The following HECTD3 variants were observed in gnomAD, a reference collection of about 807,000 sequenced individuals.
HECTD3 encodes the protein HECT domain E3 ubiquitin protein ligase 3, also known as E3 ubiquitin-protein ligase HECTD3.
In HECTD3, 72 loss-of-function variants were observed where a neutral mutation model predicts 109.3. The observed-to-expected ratio is 0.66, with a 90% CI of 0.54 to 0.80. The LOEUF is 0.80. Among genes scored for constraint, HECTD3 ranks in the 30% least tolerant of loss-of-function variants. HECTD3 has a pLI of 0.00. For missense variants in HECTD3, 1,041 were observed against 1,165.2 expected, an observed-to-expected ratio of 0.89 and a Z score of 1.55; for synonymous variants, 481 against 471.8, an observed-to-expected ratio of 1.02 and a Z score of -0.25.
In HECTD3 at chr1:45,011,065, C is replaced by T. The variant is rs1446734187; in HGVS notation, c.193G>A (p.Val65Met). The T allele has an allele frequency of 6.9e-7, 1 of 1,450,986 alleles. No homozygotes were observed. Among genetic ancestry groups the T allele is most frequent in the Admixed American group, 2.8e-5 (1 of 35,712 alleles). The allele number at this position is 1,450,986 out of a possible 1,614,324, so 89.9% of individuals were successfully genotyped here. ...AGCCCCAGGCCCTCTGCCTCCCACA[C>T]CGGCAGAAGCACGCGCGACGGTCCC... ...PAGPSRVLLPVWEAEGLGLRV... is the reference protein window; with the variant it reads ...PAGPSRVLLPMWEAEGLGLRV... The change falls in exon 1 of 21, where the codon GTG becomes ATG. Residue 65 changes from valine to methionine, a missense_variant. Physicochemically the swap from Val to Met is conservative, Grantham distance 21. Transcript: ENST00000372172.
chr1:45,010,920 T>C lies in HECTD3; in HGVS notation c.338A>G (p.Asn113Ser), dbSNP rs367892646. 34 of 1,548,868 alleles carry C rather than the reference T, an allele frequency of 2.2e-5. No homozygotes were observed. In the East Asian group the frequency reaches 3.9e-4, roughly 18 times the overall value. ...CVRTTGEELC[N>S]GHGLWVKLTK... Reference sequence around the variant, plus strand: ...CAGCTTCACCCAGAGCCCGTGGCCATTGCACAGCTCCTCGCCCGTGGTGCG... The same window carrying C: ...CAGCTTCACCCAGAGCCCGTGGCCACTGCACAGCTCCTCGCCCGTGGTGCG... Residue 113 changes from asparagine to serine, a missense_variant, in exon 1 of 21, where the codon AAT becomes AGT. Asn to Ser is a conservative substitution (Grantham distance 46). Coordinates refer to ENST00000372172, the MANE Select transcript of HECTD3 (RefSeq NM_024602.6).
Position 45,007,690 on chromosome 1 carries a change from G to A in HECTD3, c.1321-95C>T, listed in dbSNP as rs552357342. 4.9e-5 allele frequency: 51 copies of A among 1,048,690 alleles called. No individual in the cohort carries two copies. The Admixed American group carries it at 5.7e-4, about 12-fold the overall frequency. The allele number at this position is 1,048,690 out of a possible 1,614,324, so 65.0% of individuals were successfully genotyped here. A position where few individuals can be genotyped will look rare whatever the true frequency, so the allele number is the denominator to read the frequency against. Reference sequence around the variant, plus strand: ...CCCTCTGCCTGTATCCAATTCCACCGTTTCAGTTCAAGTCTAGTCCATCCC... The same window carrying A: ...CCCTCTGCCTGTATCCAATTCCACCATTTCAGTTCAAGTCTAGTCCATCCC... On this transcript the variant is annotated intron_variant, in intron 9 of 20. Coordinates refer to ENST00000372172, the MANE Select transcript of HECTD3 (RefSeq NM_024602.6).
Position 45,011,204 on chromosome 1 carries a change from G to T in HECTD3, c.54C>A (p.Gly18=). The change falls in exon 1 of 21, where the codon GGC becomes GGA. Residue 18 remains glycine (G), a synonymous_variant. Transcript: ENST00000372172. Reference sequence around the variant, plus strand: ...CTGCCTCTGCCAAGAAGCGCACGCGGCCCAGCAGCTGCCGGGGGGACTCCA... The same window carrying T: ...CTGCCTCTGCCAAGAAGCGCACGCGTCCCAGCAGCTGCCGGGGGGACTCCA... ...AVLESPRQLL[G]RVRFLAEAAR... 6.9e-7 allele frequency: 1 copy of T among 1,443,762 alleles called. No individual in the cohort carries two copies. Among genetic ancestry groups the T allele is most frequent in the Non-Finnish European group, 9.0e-7 (1 of 1,106,684 alleles). The allele number at this position is 1,443,762 out of a possible 1,614,324, so 89.4% of individuals were successfully genotyped here. A position where few individuals can be genotyped will look rare whatever the true frequency, so the allele number is the denominator to read the frequency against.
At chr1:45,010,862 C>A in intron 1 of HECTD3, 27 bp downstream of exon 1, 1 of 1,508,524 alleles carries the variant, frequency 6.6e-7, no homozygotes, top group Non-Finnish European at 8.8e-7. Context: ...GGGTCTTTTA[C>A]CGGGTCCTGG....
At position 45,008,523 on chromosome 1, in the gene HECTD3, G is replaced by C. The variant is rs1228268571; in HGVS notation, c.1238+13C>G. 1.2e-6 allele frequency: 2 copies of C among 1,611,596 alleles called. No individual in the cohort carries two copies. Among genetic ancestry groups the C allele is most frequent in the Non-Finnish European group, 1.7e-6 (2 of 1,178,170 alleles). Reference sequence around the variant, plus strand: ...GGGAAGGGAAGGGCCCATAGGTCCAGGACCACAGCCACCTCTGCAGGAGGA... The same window carrying C: ...GGGAAGGGAAGGGCCCATAGGTCCACGACCACAGCCACCTCTGCAGGAGGA... On this transcript the variant is annotated intron_variant, in intron 8 of 20. Transcript: ENST00000372172.
chr1:45,006,196 C>T lies in HECTD3; in HGVS notation c.1726-80G>A. 6.5e-6 allele frequency: 10 copies of T among 1,537,790 alleles called. No individual in the cohort carries two copies. In the South Asian group the frequency reaches 1.2e-4, roughly 19 times the overall value. On this transcript the variant is annotated intron_variant, in intron 13 of 20. Transcript: ENST00000372172. This position sits in a 1 kb window ranked among gnomAD's most constrained non-coding sequence, Gnocchi z 4.7. ...CCCAAAGACTTCCCTGAACATTTTC[C>T]ACTGGGAACATTTTCCACTAAATGA...
At position 45,006,497 on chromosome 1, in the gene HECTD3, C is replaced by T. The variant is rs7521006; in HGVS notation, c.1725+195G>A. ...ATTTTTTATTTTTATAGAGATGGGGCTTCACTTCATTGGCCAGGCTGGTCT... is the reference window on the plus strand; with the variant it reads ...ATTTTTTATTTTTATAGAGATGGGGTTTCACTTCATTGGCCAGGCTGGTCT... On this transcript the variant is annotated intron_variant, in intron 13 of 20. Coordinates refer to ENST00000372172, the MANE Select transcript of HECTD3 (RefSeq NM_024602.6). This position sits in a 1 kb window ranked among gnomAD's most constrained non-coding sequence, Gnocchi z 4.7. Among the ~76,000 whole-genome samples, 100,990 of 151,754 alleles carry T rather than the reference C, an allele frequency of 0.67. 33,885 individuals carry two copies. The highest frequency in any genetic ancestry group is 0.78 in the Middle Eastern group (229 of 294).
rs1218370284 is a variant in HECTD3, at chr1:45,010,993, G to A, written c.265C>T (p.Leu89Phe). ...TCAATGCTGTCGCGGGCGGCGCGGA[G>A]GGGCCCGGAGCCGGTACCGGGGGCT... ...GPAPGTGSGPLRAARDSIELR... is the reference protein window; with the variant it reads ...GPAPGTGSGPFRAARDSIELR... Residue 89 changes from leucine (L) to phenylalanine (F), a missense_variant, in exon 1 of 21, where the codon CTC (leucine) becomes TTC (phenylalanine). Leu to Phe is a conservative substitution (Grantham distance 22). Around this residue, in one of 2 missense-constraint regions of HECTD3, gnomAD observed 472 missense variants for 449.9 expected, o/e 1.05. Coordinates refer to ENST00000372172, the MANE Select transcript of HECTD3 (RefSeq NM_024602.6). The A allele has an allele frequency of 2.7e-6, 4 of 1,477,584 alleles. No individual in the cohort carries two copies. The highest frequency in any genetic ancestry group is 1.5e-5 in the African/African-American group (1 of 67,646). 91.5% of individuals were successfully genotyped at this position (1,477,584 alleles called of 1,614,324 possible). A position where few individuals can be genotyped will look rare whatever the true frequency, so the allele number is the denominator to read the frequency against.
chr1:45,006,834 C>T lies in HECTD3; in HGVS notation c.1622-39G>A, dbSNP rs1321716645. The T allele has an allele frequency of 2.5e-6, 4 of 1,601,934 alleles. No homozygotes were observed. The highest frequency in any genetic ancestry group is 3.4e-6 in the Non-Finnish European group (4 of 1,170,810). ...TGCCCTCAGCTGGGCACTCAAGAGC[C>T]CAGCTCCCATAATGGGGTAATGAAT... is the stretch of plus-strand genomic sequence containing the variant. On this transcript the variant is annotated intron_variant, in intron 12 of 20. Transcript: ENST00000372172. This position sits in a 1 kb window ranked among gnomAD's most constrained non-coding sequence, Gnocchi z 4.7.
rs373641285 is a variant in HECTD3, at chr1:45,003,905, C to T, written c.2379G>A (p.Thr793=). Residue 793 remains threonine (T), a synonymous_variant, in exon 19 of 21, where the codon ACG becomes ACA. Coordinates refer to ENST00000372172, the MANE Select transcript of HECTD3 (RefSeq NM_024602.6). The surrounding 1 kb of genome is among the most constrained non-coding windows in gnomAD (Gnocchi z 4.7). ...EDRSRFLRFV[T]GRSRLPARIY... ...TCCGTGCTGGCAGGCGACTGCGGCCCGTGACAAAGCGCAGGAAGCGGCTCC... is the reference window on the plus strand; with the variant it reads ...TCCGTGCTGGCAGGCGACTGCGGCCTGTGACAAAGCGCAGGAAGCGGCTCC... 50 of 1,613,250 alleles carry T rather than the reference C, an allele frequency of 3.1e-5. No individual in the cohort carries two copies. Among genetic ancestry groups the T allele is most frequent in the African/African-American group, 1.5e-4 (11 of 74,844 alleles).
rs750210329 is a variant in HECTD3, at chr1:45,011,143, C to G, written c.115G>C (p.Ala39Pro). 1.7e-5 allele frequency: 25 copies of G among 1,507,422 alleles called. No homozygotes were observed. The highest frequency in any genetic ancestry group is 2.2e-5 in the Non-Finnish European group (25 of 1,136,878). 93.4% of individuals were successfully genotyped at this position (1,507,422 alleles called of 1,614,324 possible). A position where few individuals can be genotyped will look rare whatever the true frequency, so the allele number is the denominator to read the frequency against. ...ACCTCTCGCGGCACGAAAGCCAGCG[C>G]TGCTGGCAGCGGCCGCCCGGCGCGG... The part of the protein sequence containing the change: ...SLRAGRPLPA[A>P]LAFVPREVLY... Residue 39 changes from alanine to proline, a missense_variant, in exon 1 of 21, where the codon GCG becomes CCG. By Grantham distance (27) the Ala-to-Pro change is conservative. Transcript: ENST00000372172.
chr1:45,004,265 T>A lies in HECTD3; in HGVS notation c.2255A>T (p.Asp752Val), dbSNP rs770486371. 6.2e-7 allele frequency: 1 copy of A among 1,614,010 alleles called. No homozygotes were observed. Among genetic ancestry groups the A allele is most frequent in the South Asian group, 1.1e-5 (1 of 91,088 alleles). The change falls in exon 17 of 21, where the codon GAT becomes GTT. Residue 752 changes from aspartate to valine, a missense_variant. This residue lies in a region of HECTD3 where 569 missense variants were observed against 715.3 expected (regional missense o/e 0.80). Transcript: ENST00000372172. ...KVCGDPEVTVDALRKLTRFED... is the reference protein window; with the variant it reads ...KVCGDPEVTVVALRKLTRFED... ...GAACTCACTGAGCTTGCGCAGAGCA[T>A]CCACAGTGACCTCTGGATCCCCACA...
Position 45,010,305 on chromosome 1 carries a change from G to A in HECTD3, c.531-12C>T, listed in dbSNP as rs755392557. On this transcript the variant is annotated splice_polypyrimidine_tract_variant and intron_variant, in intron 2 of 20. Coordinates refer to ENST00000372172, the MANE Select transcript of HECTD3 (RefSeq NM_024602.6). ...CCACCTGTTCCCACCTGTGGGCACA[G>A]AGTAGGGAGTGGGATGGGGAGACAT... The A allele has an allele frequency of 1.8e-5, 29 of 1,612,606 alleles. No homozygotes were observed. The highest frequency in any genetic ancestry group is 3.3e-4 in the Middle Eastern group (2 of 6,056).
At chr1:45,009,723 C>T in intron 4 of HECTD3, 40 bp from the exon 5 acceptor site, 1 of 1,467,340 alleles carries the variant, frequency 6.8e-7, no homozygotes, top group African/African-American at 1.4e-5. Context: ...AGTTACCCTC[C>T]CTCCCTGCAC....
At position 45,010,566 on chromosome 1, in the gene HECTD3, C is replaced by T; in HGVS notation, c.510G>A (p.Val170=). The T allele has an allele frequency of 6.2e-7, 1 of 1,613,700 alleles. No homozygotes were observed. The highest frequency in any genetic ancestry group is 8.5e-7 in the Non-Finnish European group (1 of 1,180,014). Residue 170 remains valine (V), a synonymous_variant, in exon 2 of 21, where the codon GTG becomes GTA. Transcript: ENST00000372172. ...HLQRQQQLFG[V]DYRPVLRWEQ... ...AGTACCTGAGCACCGGCCGATAATC[C>T]ACGCCAAAGAGCTGCTGCTGCCGCT...
At chr1:45,004,189 A>C (rs979295953) in intron 17 of HECTD3, 55 bp from the exon 18 acceptor site, 8 of 1,613,954 alleles carry the variant, frequency 5.0e-6, no homozygotes, top group Non-Finnish European at 6.8e-6. Context: ...CCAGTCCTTG[A>C]GCCCCAACCC....
chr1:45,010,070 G>C lies in HECTD3; in HGVS notation c.675C>G (p.Phe225Leu), dbSNP rs370870340. 9 of 1,580,196 alleles carry C rather than the reference G, an allele frequency of 5.7e-6. No individual in the cohort carries two copies. Among genetic ancestry groups the C allele is most frequent in the Non-Finnish European group, 7.8e-6 (9 of 1,159,654 alleles). The change falls in exon 4 of 21, where the codon TTC becomes TTG. Residue 225 changes from phenylalanine (F) to leucine (L), a missense_variant. Phe to Leu is a conservative substitution (Grantham distance 22, BLOSUM62 0). Coordinates refer to ENST00000372172, the MANE Select transcript of HECTD3 (RefSeq NM_024602.6). ...TYECDEDLIH[F>L]LYDHLGKEDE... Reference sequence around the variant, plus strand: ...CCTCCTTGCCCAGGTGGTCATACAAGAAGTGGATCAGGTCCTCGTCGCACT... The same window carrying C: ...CCTCCTTGCCCAGGTGGTCATACAACAAGTGGATCAGGTCCTCGTCGCACT...
rs745333605 is a variant in HECTD3, at chr1:45,004,397, G to C, written c.2143-20C>G. The C allele has an allele frequency of 5.0e-6, 8 of 1,613,832 alleles. No homozygotes were observed. In the East Asian group the frequency reaches 6.7e-5, roughly 13 times the overall value. The stretch of plus-strand genomic sequence containing the variant: ...TGCCACCTGGGGAGTGGGTAAAAAG[G>C]CTTGGCTGGGGAAGAGGGCACACCT... On this transcript the variant is annotated intron_variant, in intron 16 of 20. Transcript: ENST00000372172.
chr1:45,008,750 T>C (rs1451532560), intron 7 of HECTD3, 49 bp from the exon 8 acceptor site: 3 of 1,574,714 alleles, frequency 1.9e-6, no homozygotes, highest in African/African-American at 1.3e-5. Flanking sequence ...TGCTGCCTCC[T>C]TGGCCCTCAG....
Sources: gnomAD v4.1 joint callset for allele counts (sites outside exome capture counted in the v4.1 genomes callset) on GRCh38, gnomAD v4.1.1 for gene constraint, gnomAD v4.1.1 regional missense constraint, Gnocchi (gnomAD v3.1) non-coding constraint, MANE v1.5 for transcripts, NCBI Gene and HGNC (gene_info 2026-07-23, HGNC 2026-07-21) for gene names.